Variants in NOC3L observed in about 807,000 individuals in gnomAD.
NOC3L encodes NOC3 like DNA replication regulator, also known as nucleolar complex protein 3 homolog.
A neutral mutation model predicts 102.5 loss-of-function variants in NOC3L; 85 were observed. The observed-to-expected ratio is 0.83, with a 90% confidence interval of 0.70 to 0.99. The LOEUF is 0.99. Among genes scored for constraint, NOC3L ranks in the 50% least tolerant of loss-of-function variants. NOC3L has a pLI of 0.00. For missense variants in NOC3L, 878 were observed against 914.9 expected, an observed-to-expected ratio of 0.96 and a Z score of 0.52; for synonymous variants, 303 against 309.4, an observed-to-expected ratio of 0.98 and a Z score of 0.22.
chr10:94,324,893 C>T, the NOC3L span: 1 of 1,613,970 alleles, frequency 6.2e-7, no homozygotes, highest in Non-Finnish European at 8.5e-7. Context: ...TTCCCACAGG[C>T]ATCTCGAGAA....
chr10:94,325,036 G>C, the NOC3L span: 1 of 1,614,196 alleles, frequency 6.2e-7, no homozygotes, highest in Non-Finnish European at 8.5e-7. Context: ...GGAGAAACCT[G>C]TGGGTGGCTT....
the NOC3L span, chr10:94,316,783 C>G: frequency 4.6e-6 from 7 of 1,508,870 alleles, no homozygotes; most frequent in East Asian, 1.3e-4. Flanking sequence ...GCAGCCTACA[C>G]AGTAACGACT....
At chr10:94,352,474 T>C (rs1022537733) in intron 7 of NOC3L, 71 bp from the exon 8 acceptor site, 4 of 1,032,134 alleles carry the variant, frequency 3.9e-6, no homozygotes, top group Non-Finnish European at 6.0e-6. Context: ...GTATAAAATA[T>C]GTGTGTCTAG....
chr10:94,346,801 T>C (rs1248543217), intron 10 of NOC3L, among the ~76,000 whole-genome samples: 1 of 152,162 alleles, frequency 6.6e-6, no homozygotes, highest in Non-Finnish European at 1.5e-5. Context: ...TACAAAACTT[T>C]CTTTGCAGTT....
chr10:94,344,877 C>G lies in NOC3L; in HGVS notation c.1446G>C (p.Glu482Asp), dbSNP rs781388297. ...ERELREAEAS[E>D]STEKKLKLHT... ...CCAGTTTAAGTTTTTTCTCAGTACT[C>G]TCTGAAGCTTCTGCCTCTCGAAGCT... is the stretch of plus-strand genomic sequence containing the variant. The change falls in exon 12 of 21, where the codon GAG (glutamate) becomes GAC (aspartate). Residue 482 changes from glutamate to aspartate, a missense_variant. Glu to Asp is a conservative substitution (Grantham distance 45). Coordinates refer to ENST00000371361, the MANE Select transcript of NOC3L (RefSeq NM_022451.11). 1 of 1,609,880 alleles carries G rather than the reference C, an allele frequency of 6.2e-7. No individual in the cohort carries two copies. Among genetic ancestry groups the G allele is most frequent in the East Asian group, 2.2e-5 (1 of 44,838 alleles).
At chr10:94,356,504 T>A in intron 5 of NOC3L, 31 bp downstream of exon 5, 1 of 1,403,284 alleles carries the variant, frequency 7.1e-7, no homozygotes, top group Non-Finnish European at 1.0e-6. Context: ...AATTCTCAAT[T>A]AACAATTTAG....
intron 3 of NOC3L, chr10:94,357,837 G>A (rs1480241865): frequency 2.2e-6 from 1 of 456,640 alleles, no homozygotes; most frequent in African/African-American, 2.0e-5. Context: ...ACCTCAAAGT[G>A]AGAACAGCAT....
the NOC3L span, among the ~76,000 whole-genome samples, chr10:94,322,312 C>T: frequency 5.3e-5 from 8 of 151,612 alleles, 1 homozygote; most frequent in Admixed American, 5.3e-4. Flanking sequence ...TATGACTGGC[C>T]ACTGCACTGC....
chr10:94,356,583 T>C lies in NOC3L; in HGVS notation c.517A>G (p.Ser173Gly). ...TCTTGATCCTCTTCATCTTTGTTAC[T>C]ATCAGTAACTATATGGAAAACATAT... ...PQTREKPVTD[S>G]NKDEEDQEEE... Residue 173 changes from serine to glycine, a missense_variant, in exon 5 of 21, where the codon AGT (serine) becomes GGT (glycine). Physicochemically the swap from Ser to Gly is moderately conservative, Grantham distance 56 (BLOSUM62 0). Coordinates refer to ENST00000371361, the MANE Select transcript of NOC3L (RefSeq NM_022451.11). 2.6e-6 allele frequency: 4 copies of C among 1,553,032 alleles called. No individual in the cohort carries two copies. The highest frequency in any genetic ancestry group is 3.6e-6 in the Non-Finnish European group (4 of 1,125,798).
intron 5 of NOC3L, among the ~76,000 whole-genome samples, chr10:94,355,577 C>T (rs1433005508): frequency 2.6e-5 from 4 of 151,598 alleles, no homozygotes; most frequent in East Asian, 3.9e-4. Context: ...TTTGTAGAGA[C>T]GGGGTTTCAC....
At position 94,334,111 on chromosome 10, in the gene NOC3L, C is replaced by T; in HGVS notation, c.*66G>A. ...ATAAAAAGAAAAGATCCTAAGTTAA[C>T]AACTCATCTTTATGTACATCTGCAC... On this transcript the variant is annotated 3_prime_UTR_variant, in exon 21 of 21. Coordinates refer to ENST00000371361, the MANE Select transcript of NOC3L (RefSeq NM_022451.11). 8.1e-6 allele frequency: 6 copies of T among 736,548 alleles called. No individual in the cohort carries two copies. The South Asian group carries it at 1.1e-4, about 13-fold the overall frequency. The allele number at this position is 736,548 out of a possible 1,614,324, so 45.6% of individuals were successfully genotyped here.
intron 10 of NOC3L, 142 bp from the exon 11 acceptor site, chr10:94,346,698 C>T: frequency 2.4e-6 from 1 of 410,408 alleles, no homozygotes; most frequent in Non-Finnish European, 4.1e-6. Context: ...TTTACACCAA[C>T]TTCTTTTATC....
At chr10:94,357,406 G>C (rs2054501797) in intron 3 of NOC3L, 75 bp from the exon 4 acceptor site, 3 of 1,325,420 alleles carry the variant, frequency 2.3e-6, no homozygotes, top group South Asian at 4.0e-5. Flanking sequence ...CATTTCAAAA[G>C]TACAGAAAAA....
intron 17 of NOC3L, among the ~76,000 whole-genome samples, chr10:94,339,013 GATAGAA>G (rs1324213742): frequency 1.3e-5 from 2 of 152,128 alleles, no homozygotes; most frequent in Non-Finnish European, 2.9e-5. Context: ...TTAGAAATCT[GATAGAA>G]ATAATTACAT....
chr10:94,361,635 A>C, intron 2 of NOC3L, 30 bp downstream of exon 2: 1 of 1,593,110 alleles, frequency 6.3e-7, no homozygotes, highest in Non-Finnish European at 8.6e-7. Context: ...AATCAATGGA[A>C]ACCAGAGCAC....
In NOC3L at chr10:94,350,109, T is replaced by C; in HGVS notation, c.1128+4A>G. On this transcript the variant is annotated splice_donor_region_variant and intron_variant, in intron 9 of 20. Coordinates refer to ENST00000371361, the MANE Select transcript of NOC3L (RefSeq NM_022451.11). ...GACAGCAATAACCATTTACAGCAACTCACCAATTTTGACATGTCATTCATG... is the reference window on the plus strand; with the variant it reads ...GACAGCAATAACCATTTACAGCAACCCACCAATTTTGACATGTCATTCATG... 6.2e-7 allele frequency: 1 copy of C among 1,613,638 alleles called. No individual in the cohort carries two copies. Among genetic ancestry groups the C allele is most frequent in the Non-Finnish European group, 8.5e-7 (1 of 1,179,744 alleles).
chr10:94,352,593 G>T (rs1262661979), intron 7 of NOC3L, among the ~76,000 whole-genome samples, 190 bp from the exon 8 acceptor site: 5 of 152,154 alleles, frequency 3.3e-5, no homozygotes, highest in African/African-American at 1.2e-4. Flanking sequence ...AGGCAGAGGC[G>T]GGTAGATCAC....
At chr10:94,325,895 T>TA in the NOC3L span, among the ~76,000 whole-genome samples, 23 of 152,006 alleles carry the variant, frequency 1.5e-4, no homozygotes, top group Admixed American at 9.8e-4. Flanking sequence ...CTGCCTCAAT[T>TA]AAAAAAATAA....
At chr10:94,357,361 T>C (rs2054500931) in intron 3 of NOC3L, 30 bp from the exon 4 acceptor site, 13 of 1,506,698 alleles carry the variant, frequency 8.6e-6, no homozygotes, top group Non-Finnish European at 1.1e-5. Context: ...CAATTTTCAG[T>C]CTTAATAGAT....
Sources: gnomAD v4.1 joint callset for allele counts (sites outside exome capture counted in the v4.1 genomes callset) on GRCh38, gnomAD v4.1.1 for gene constraint, MANE v1.5 for transcripts, NCBI Gene and HGNC (gene_info 2026-07-23, HGNC 2026-07-21) for gene names.